SCFD2: variants seen among roughly 807,000 people sequenced by gnomAD.
SCFD2 encodes the protein sec1 family domain-containing protein 2.
A neutral mutation model predicts 58.9 loss-of-function variants in SCFD2; 54 were observed. The observed-to-expected ratio is 0.92, with a 90% CI of 0.74 to 1.15. SCFD2 has a LOEUF of 1.15. SCFD2 is among the 50% of genes most tolerant of loss of function. SCFD2 has a pLI of 0.00. For missense variants in SCFD2, 805 were observed against 836.6 expected (o/e 0.96, Z 0.47); for synonymous variants, 321 against 335.9 (o/e 0.96, Z 0.49).
intron 2 of SCFD2, among the ~76,000 whole-genome samples, chr4:53,315,639 T>C (rs956183717): frequency 1.3e-5 from 2 of 152,166 alleles, no homozygotes; most frequent in African/African-American, 4.8e-5. Flanking sequence ...CTGCAGGCAA[T>C]TGAAGAACCA....
intron 5 of SCFD2, among the ~76,000 whole-genome samples, chr4:52,937,729 G>A (rs943495904): frequency 6.6e-6 from 1 of 152,106 alleles, no homozygotes; most frequent in South Asian, 2.1e-4. Flanking sequence ...TGAAGAGGAG[G>A]GAGGAGAGTG....
At chr4:53,311,335 T>C (rs1403638991) in intron 3 of SCFD2, among the ~76,000 whole-genome samples, 1 of 152,084 alleles carries the variant, frequency 6.6e-6, no homozygotes, top group African/African-American at 2.4e-5. Flanking sequence ...CTATCTAGAG[T>C]TGTGGAATAA....
intron 3 of SCFD2, among the ~76,000 whole-genome samples, chr4:53,311,036 TAGAC>T (rs1310435855): frequency 6.6e-6 from 1 of 152,220 alleles, no homozygotes; most frequent in Non-Finnish European, 1.5e-5. Flanking sequence ...AGCTATATGA[TAGAC>T]AGTTTTCAAA....
At chr4:53,107,253 T>C (rs746678517) in intron 5 of SCFD2, among the ~76,000 whole-genome samples, 66 of 152,154 alleles carry the variant, frequency 4.3e-4, no homozygotes, top group Non-Finnish European at 1.2e-4. Flanking sequence ...GAAAAACCGG[T>C]ACTATCCACT....
At chr4:53,286,806 G>GAAACAA (rs1560428847) in intron 3 of SCFD2, among the ~76,000 whole-genome samples, 1 of 152,104 alleles carries the variant, frequency 6.6e-6, no homozygotes, top group Non-Finnish European at 1.5e-5. Flanking sequence ...CCTGCACCCT[G>GAAACAA]AAACAAAGCT....
chr4:53,087,468 C>G (rs1048843978), intron 5 of SCFD2, among the ~76,000 whole-genome samples: 5 of 151,700 alleles, frequency 3.3e-5, no homozygotes, highest in African/African-American at 1.2e-4. Flanking sequence ...CAAGTAGCTG[C>G]GATTACAGGC....
chr4:53,328,498 T>A (rs1386047106), intron 2 of SCFD2, among the ~76,000 whole-genome samples: 1 of 152,158 alleles, frequency 6.6e-6, no homozygotes, highest in Non-Finnish European at 1.5e-5. Flanking sequence ...TGGGACAATA[T>A]TAACATCAAA....
At chr4:52,947,228 C>G (rs1262812020) in intron 5 of SCFD2, among the ~76,000 whole-genome samples, 2 of 152,184 alleles carry the variant, frequency 1.3e-5, no homozygotes, top group African/African-American at 4.8e-5. Flanking sequence ...TGAAGGATGG[C>G]CATTCGGAAA....
At chr4:52,955,878 G>A (rs574512605) in intron 5 of SCFD2, 2 of 355,112 alleles carry the variant, frequency 5.6e-6, no homozygotes, top group African/African-American at 4.3e-5. Flanking sequence ...AAGTTAGCAT[G>A]CTCTAATTGA....
At chr4:52,935,494 A>G (rs1269959134) in intron 5 of SCFD2, among the ~76,000 whole-genome samples, 1 of 152,098 alleles carries the variant, frequency 6.6e-6, no homozygotes, top group Non-Finnish European at 1.5e-5. Context: ...CTCACTGTAA[A>G]TCCTGCCCTT....
chr4:52,932,824 C>G (rs560449865), intron 5 of SCFD2, among the ~76,000 whole-genome samples: 1 of 152,226 alleles, frequency 6.6e-6, no homozygotes, highest in Non-Finnish European at 1.5e-5. Flanking sequence ...CTCCATTGAA[C>G]CGAGCCAGCA....
At chr4:53,247,931 G>A (rs1240052595) in intron 4 of SCFD2, among the ~76,000 whole-genome samples, 7 of 149,786 alleles carry the variant, frequency 4.7e-5, no homozygotes, top group African/African-American at 9.8e-5. Flanking sequence ...CAAGATGGCC[G>A]AATAGGAACA....
At chr4:52,896,336 G>C (rs1323502942) in intron 7 of SCFD2, among the ~76,000 whole-genome samples, 1 of 151,460 alleles carries the variant, frequency 6.6e-6, no homozygotes, top group African/African-American at 2.4e-5. Flanking sequence ...ATTAATTTTT[G>C]TATAAGGTGT....
At chr4:53,122,731 G>A (rs1198013841) in intron 5 of SCFD2, among the ~76,000 whole-genome samples, 1 of 152,162 alleles carries the variant, frequency 6.6e-6, no homozygotes, top group African/African-American at 2.4e-5. Flanking sequence ...TTCCTCATTT[G>A]TAAACTGGGT....
Position 53,354,723 on chromosome 4 carries a change from A to G in SCFD2, c.839-1957T>C, listed in dbSNP as rs112387843. 6.7e-3 allele frequency among the ~76,000 whole-genome samples: 1,023 copies of G among 152,322 alleles called. 12 individuals are homozygous for G. Among genetic ancestry groups the G allele is most frequent in the African/African-American group, 0.024 (987 of 41,578 alleles). ...CCTGTATCTAGTCAGTCAGGTAAAT[A>G]GTGTCATAAGATGATACTATCCTGA... On this transcript the variant is annotated intron_variant, in intron 1 of 8. Coordinates refer to ENST00000401642, the MANE Select transcript of SCFD2 (RefSeq NM_152540.4).
chr4:53,151,998 C>A (rs1365677999), intron 4 of SCFD2, among the ~76,000 whole-genome samples: 1 of 152,128 alleles, frequency 6.6e-6, no homozygotes, highest in Admixed American at 6.5e-5. Context: ...ATGAAGAGGG[C>A]ACCAAGCTAT....
intron 4 of SCFD2, among the ~76,000 whole-genome samples, chr4:53,162,244 G>C (rs1053312787): frequency 2.0e-5 from 3 of 151,822 alleles, no homozygotes; most frequent in Admixed American, 6.6e-5. Flanking sequence ...GCTGTATTCA[G>C]CAAAGGAGCT....
chr4:52,874,622 T>C (rs928296185), intron 8 of SCFD2, among the ~76,000 whole-genome samples: 6 of 152,288 alleles, frequency 3.9e-5, no homozygotes, highest in South Asian at 2.1e-4. Flanking sequence ...AAGATCAAGG[T>C]GTTGGCAGGG....
intron 5 of SCFD2, chr4:52,948,430 T>C (rs1322465378): frequency 2.2e-6 from 1 of 446,042 alleles, no homozygotes; most frequent in Admixed American, 2.4e-5. Flanking sequence ...GGACAGATTC[T>C]TGAACTCTCA....
Sources: gnomAD v4.1 joint callset for allele counts (sites outside exome capture counted in the v4.1 genomes callset) on GRCh38, gnomAD v4.1.1 for gene constraint, MANE v1.5 for transcripts, NCBI Gene and HGNC (gene_info 2026-07-23, HGNC 2026-07-21) for gene names.